PIBF1: variants seen among roughly 807,000 people sequenced by gnomAD.
The protein encoded by PIBF1 is progesterone immunomodulatory binding factor 1.
PIBF1 carries 90 observed loss-of-function variants against 112.5 expected under a neutral mutation model. That is an observed-to-expected ratio of 0.80 (90% confidence interval 0.67 to 0.95). The LOEUF (loss-of-function observed/expected upper bound fraction) is 0.95. Among genes scored for constraint, PIBF1 ranks in the 40% least tolerant of loss-of-function variants. PIBF1 has a pLI of 0.00. For missense variants in PIBF1, 915 were observed against 852.3 expected (o/e 1.07, Z -0.92); for synonymous variants, 301 against 288.6 (o/e 1.04, Z -0.44).
At chr13:72,821,723 T>C (rs2036563812) in intron 5 of PIBF1, 126 bp from the exon 6 acceptor site, 3 of 607,906 alleles carry the variant, frequency 4.9e-6, no homozygotes, top group Non-Finnish European at 7.8e-6. Context: ...ATTTAAAAAT[T>C]GAGGAATTTT....
At chr13:72,880,993 A>G (rs988201182) in intron 10 of PIBF1, 1 of 152,190 alleles carries the variant, frequency 6.6e-6, no homozygotes, top group Non-Finnish European at 1.5e-5. Context: ...TCAACATTGT[A>G]CTAGAATTCC....
At chr13:72,946,643 A>G (rs1477644663) in intron 14 of PIBF1, among the ~76,000 whole-genome samples, 1 of 152,226 alleles carries the variant, frequency 6.6e-6, no homozygotes, top group African/African-American at 2.4e-5. Flanking sequence ...GTGGGGGTAC[A>G]GGCATTGGGT....
intron 5 of PIBF1, among the ~76,000 whole-genome samples, chr13:72,801,500 A>C (rs937881132): frequency 6.6e-6 from 1 of 152,186 alleles, no homozygotes; most frequent in African/African-American, 2.4e-5. Flanking sequence ...GCATACACAG[A>C]CCTTACATGG....
chr13:72,827,980 TG>T, intron 8 of PIBF1, 66 bp downstream of exon 8: 1 of 1,157,626 alleles, frequency 8.6e-7, no homozygotes, highest in Non-Finnish European at 1.2e-6. Flanking sequence ...AGGGAACTCT[TG>T]GCTTTGGGGA....
intron 9 of PIBF1, among the ~76,000 whole-genome samples, chr13:72,847,417 A>T (rs1566352414): frequency 6.6e-6 from 1 of 152,182 alleles, no homozygotes; most frequent in Non-Finnish European, 1.5e-5. Flanking sequence ...GAGCCTTCTC[A>T]CTACATTATC....
Position 72,970,060 on chromosome 13 carries a change from ACT to A in PIBF1, c.1965-3528_1965-3527del, listed in dbSNP as rs199802502. Among the ~76,000 whole-genome samples the A allele has an allele frequency of 6.9e-3, 1,050 of 152,110 alleles. 22 individuals carry two copies. Among genetic ancestry groups the A allele is most frequent in the African/African-American group, 0.024 (987 of 41,506 alleles). On this transcript the variant is annotated intron_variant, in intron 15 of 17. Coordinates refer to ENST00000326291, the MANE Select transcript of PIBF1 (RefSeq NM_006346.4). ...TAAATGTTTTTCTAATTCAATAAAA[ACT>A]CTTTGAAGAACTGAATAATTGTATG...
chr13:72,948,222 A>C (rs1020222824), intron 14 of PIBF1, among the ~76,000 whole-genome samples: 2 of 152,106 alleles, frequency 1.3e-5, no homozygotes, highest in Non-Finnish European at 2.9e-5. Context: ...CTGAAAGTAT[A>C]ATTTAAAAAA....
intron 9 of PIBF1, among the ~76,000 whole-genome samples, chr13:72,852,075 C>G (rs780088534): frequency 2.0e-5 from 3 of 152,182 alleles, no homozygotes; most frequent in Non-Finnish European, 4.4e-5. Flanking sequence ...TTCATTCTTC[C>G]TGGACACAGG....
At chr13:72,908,500 T>C (rs2040777978) in intron 11 of PIBF1, 31 bp from the exon 12 acceptor site, 1 of 1,524,950 alleles carries the variant, frequency 6.6e-7, no homozygotes, top group Non-Finnish European at 8.9e-7. Context: ...TGTTTAATTC[T>C]GCCTTTGTAA....
At chr13:72,954,500 G>A (rs1265400728) in intron 14 of PIBF1, among the ~76,000 whole-genome samples, 1 of 152,232 alleles carries the variant, frequency 6.6e-6, no homozygotes, top group South Asian at 2.1e-4. Context: ...GGTAGGATCA[G>A]GAATGGCTTT....
intron 9 of PIBF1, among the ~76,000 whole-genome samples, chr13:72,837,179 A>T (rs771040724): frequency 6.6e-6 from 1 of 152,144 alleles, no homozygotes. Flanking sequence ...TGCATGCCAG[A>T]AGAAATTATA....
At chr13:72,927,835 T>G (rs533746099) in intron 13 of PIBF1, among the ~76,000 whole-genome samples, 1 of 150,014 alleles carries the variant, frequency 6.7e-6, no homozygotes, top group East Asian at 1.9e-4. Context: ...ATGAAAGATT[T>G]TATATTATCT....
intron 9 of PIBF1, among the ~76,000 whole-genome samples, chr13:72,838,460 A>C (rs142986749): frequency 8.5e-4 from 130 of 152,352 alleles, no homozygotes; most frequent in African/African-American, 3.0e-3. Context: ...AGCAATGAAC[A>C]ATTCGCAAAT....
chr13:73,001,556 G>A (rs1439661457), intron 17 of PIBF1, among the ~76,000 whole-genome samples: 2 of 138,274 alleles, frequency 1.4e-5, no homozygotes, highest in Non-Finnish European at 3.1e-5. Flanking sequence ...GTGCTGTGAC[G>A]CAGAGGAGGA....
intron 6 of PIBF1, among the ~76,000 whole-genome samples, chr13:72,822,566 AAACT>A (rs1317643767): frequency 1.3e-5 from 2 of 152,216 alleles, no homozygotes; most frequent in Non-Finnish European, 2.9e-5. Context: ...TGCACTATAT[AAACT>A]AAGATCAAAT....
chr13:72,899,885 C>T (rs1010563688), intron 11 of PIBF1, among the ~76,000 whole-genome samples: 5 of 152,150 alleles, frequency 3.3e-5, no homozygotes, highest in Non-Finnish European at 5.9e-5. Flanking sequence ...GCTCCTAGAA[C>T]TGATTAAACA....
At position 72,879,850 on chromosome 13, in the gene PIBF1, A is replaced by G. The variant is rs375964179; in HGVS notation, c.1323-13934A>G. Among the ~76,000 whole-genome samples, 6 of 152,390 alleles carry G rather than the reference A, an allele frequency of 3.9e-5. 1 individual carries two copies. In the East Asian group the frequency reaches 7.7e-4, roughly 20 times the overall value. On this transcript the variant is annotated intron_variant, in intron 10 of 17. Transcript: ENST00000326291. ...GACACATGAAAATTATATGAAATGTAGATGTTAGTGTATATAAAGTTTTAT... is the reference window on the plus strand; with the variant it reads ...GACACATGAAAATTATATGAAATGTGGATGTTAGTGTATATAAAGTTTTAT...
chr13:72,931,898 T>TC (rs780472260), intron 14 of PIBF1, among the ~76,000 whole-genome samples: 1 of 149,764 alleles, frequency 6.7e-6, no homozygotes, highest in Admixed American at 6.7e-5. Flanking sequence ...TTCCTGAGTG[T>TC]CAACATAAGA....
intron 8 of PIBF1, 115 bp from the exon 9 acceptor site, chr13:72,835,128 A>C (rs1221996717): frequency 1.7e-6 from 1 of 597,082 alleles, no homozygotes; most frequent in African/African-American, 1.9e-5. Flanking sequence ...TAAGTTTTTC[A>C]GGTAACACAG....
Sources: allele counts gnomAD v4.1 joint callset (sites outside exome capture counted in the v4.1 genomes callset), GRCh38; gene constraint gnomAD v4.1.1; transcripts MANE v1.5; gene names NCBI Gene and HGNC (gene_info 2026-07-23, HGNC 2026-07-21).